Variants in TFF1 observed in about 807,000 individuals in gnomAD.
The protein encoded by TFF1 is trefoil factor 1, also known as breast cancer estrogen-inducible protein.
In TFF1, 8 loss-of-function variants were observed where a neutral mutation model predicts 7.7. The ratio of observed to expected loss-of-function variants is 1.04; its 90% CI spans 0.61 to 1.87. The LOEUF is 1.87. TFF1 is among the 40% of genes most tolerant of loss of function. TFF1 has a pLI of 0.00. For missense variants in TFF1, 120 were observed against 113.4 expected (o/e 1.06, Z -0.26); for synonymous variants, 47 against 44.8 (o/e 1.05, Z -0.19).
chr21:42,363,223 T>C, intron 2 of TFF1, 32 bp downstream of exon 2: 1 of 1,613,812 alleles, frequency 6.2e-7, no homozygotes, highest in Non-Finnish European at 8.5e-7. Context: ...TAATTCTAAA[T>C]CTTCAGAACC....
At position 42,366,533 on chromosome 21, in the gene TFF1, G is replaced by T; in HGVS notation, c.-38C>A. 1 of 1,567,914 alleles carries T rather than the reference G, an allele frequency of 6.4e-7. No homozygotes were observed. The highest frequency in any genetic ancestry group is 8.7e-7 in the Non-Finnish European group (1 of 1,144,886). ...GCTCCAAAGGCGACCCCGAGTCAGG[G>T]ATGAGAGGCCGCCCGAGCCCCGGAT... is the stretch of plus-strand genomic sequence containing the variant. On this transcript the variant is annotated 5_prime_UTR_variant, in exon 1 of 3. Transcript: ENST00000291527.
intron 2 of TFF1, 85 bp from the exon 3 acceptor site, chr21:42,362,580 A>C: frequency 6.9e-7 from 1 of 1,457,090 alleles, no homozygotes; most frequent in Non-Finnish European, 9.2e-7. Flanking sequence ...CAGAGTTTTT[A>C]CTTTAAAGTA....
intron 1 of TFF1, 152 bp from the exon 2 acceptor site, chr21:42,363,559 G>T (rs1054753185): frequency 8.9e-6 from 9 of 1,013,398 alleles, no homozygotes; most frequent in Non-Finnish European, 1.3e-5. Context: ...GGGAGACGTG[G>T]TCCTCACATC....
At chr21:42,363,984 G>A (rs1426340286) in intron 1 of TFF1, among the ~76,000 whole-genome samples, 1 of 152,026 alleles carries the variant, frequency 6.6e-6, no homozygotes, top group Non-Finnish European at 1.5e-5. Flanking sequence ...GCACACGTCT[G>A]TAATCCCAGC....
chr21:42,365,312 G>A (rs1309717115), intron 1 of TFF1, among the ~76,000 whole-genome samples: 2 of 152,044 alleles, frequency 1.3e-5, no homozygotes, highest in African/African-American at 4.8e-5. Context: ...ATGGGCCTGG[G>A]GGTGGCCAGC....
intron 2 of TFF1, among the ~76,000 whole-genome samples, chr21:42,362,701 A>G (rs1275794759): frequency 6.6e-6 from 1 of 152,174 alleles, no homozygotes; most frequent in Non-Finnish European, 1.5e-5. Context: ...TGAGGTCAAG[A>G]GTTCAAGACC....
chr21:42,364,331 C>A (rs1186431142), intron 1 of TFF1, among the ~76,000 whole-genome samples: 1 of 152,064 alleles, frequency 6.6e-6, no homozygotes, highest in Non-Finnish European at 1.5e-5. Flanking sequence ...ATTCCAGAGA[C>A]CCAGGTGTGT....
rs2052244368 is a variant in TFF1 at position 42,362,420 on chromosome 21, T to A, written c.*59A>T. The A allele has an allele frequency of 1.3e-6, 2 of 1,553,216 alleles. No homozygotes were observed. Among genetic ancestry groups the A allele is most frequent in the African/African-American group, 2.7e-5 (2 of 73,062 alleles). On this transcript the variant is annotated 3_prime_UTR_variant, in exon 3 of 3. Transcript: ENST00000291527. ...GGAGGTGGCAGCCGAGCTCTGGGAC[T>A]AATCACCGTGCTGGGGACGGCACCG...
Position 42,363,414 on chromosome 21 carries a change from G to A in TFF1, c.86-7C>T. On this transcript the variant is annotated splice_region_variant and splice_polypyrimidine_tract_variant and intron_variant, in intron 1 of 2. Transcript: ENST00000291527. ...GGGGCCACTGTACACGTCTCTGAAA[G>A]TGCACAGGTAAGAAGCAAAGTAAGT... The A allele has an allele frequency of 6.2e-7, 1 of 1,612,994 alleles. No homozygotes were observed.
intron 1 of TFF1, among the ~76,000 whole-genome samples, chr21:42,364,208 C>T (rs1011585607): frequency 2.6e-5 from 4 of 151,962 alleles, no homozygotes; most frequent in Non-Finnish European, 5.9e-5. Flanking sequence ...AGGGTAACCA[C>T]GGGGGTAGGG....
chr21:42,365,200 A>C (rs2052269818), intron 1 of TFF1, among the ~76,000 whole-genome samples: 1 of 150,652 alleles, frequency 6.6e-6, no homozygotes, highest in African/African-American at 2.4e-5. Context: ...GCCTTGAGCC[A>C]GAGGGTGTGT....
chr21:42,363,445 G>A (rs775514422), intron 1 of TFF1, 38 bp from the exon 2 acceptor site: 8 of 1,597,510 alleles, frequency 5.0e-6, no homozygotes, highest in Non-Finnish European at 6.8e-6. Context: ...TAAGTTGTGG[G>A]CTGAATTCCT....
chr21:42,366,172 C>T (rs996197768), intron 1 of TFF1, among the ~76,000 whole-genome samples: 2 of 152,174 alleles, frequency 1.3e-5, no homozygotes, highest in Non-Finnish European at 2.9e-5. Context: ...AGGAAAACAG[C>T]CCCGACTGAA....
At chr21:42,364,799 T>A (rs1203307884) in intron 1 of TFF1, among the ~76,000 whole-genome samples, 4 of 152,190 alleles carry the variant, frequency 2.6e-5, no homozygotes, top group Non-Finnish European at 4.4e-5. Context: ...TTGGAGAAAG[T>A]GTTCCTGGCT....
chr21:42,362,629 C>G (rs530489402), intron 2 of TFF1, 134 bp from the exon 3 acceptor site: 2 of 1,110,822 alleles, frequency 1.8e-6, no homozygotes, highest in South Asian at 3.4e-5. Flanking sequence ...AACTGTCAGC[C>G]GGGCACGGTG....
chr21:42,362,510 G>T lies in TFF1; in HGVS notation c.239-15C>A, dbSNP rs72561491. 4.3e-4 allele frequency: 685 copies of T among 1,576,860 alleles called. 3 individuals carry two copies. The African/African-American group carries it at 8.1e-3, about 19-fold the overall frequency. On this transcript the variant is annotated splice_polypyrimidine_tract_variant and intron_variant, in intron 2 of 2. Coordinates refer to ENST00000291527, the MANE Select transcript of TFF1 (RefSeq NM_003225.3). ...TTCACACTCCTCTACAGGGGTGAGG[G>T]GGAGGGAGAAAGAGATGCTTTAGTG... is the stretch of plus-strand genomic sequence containing the variant.
At chr21:42,362,827 A>T (rs998372938) in intron 2 of TFF1, among the ~76,000 whole-genome samples, 10 of 150,006 alleles carry the variant, frequency 6.7e-5, no homozygotes, top group African/African-American at 2.5e-4. Flanking sequence ...TGAACTCAGG[A>T]GGCAGAGATT....
chr21:42,365,379 A>T (rs2052271412), intron 1 of TFF1, among the ~76,000 whole-genome samples: 3 of 152,072 alleles, frequency 2.0e-5, no homozygotes, highest in Admixed American at 6.5e-5. Flanking sequence ...CTCGGGTTCC[A>T]AAGCTCCCCC....
intron 1 of TFF1, among the ~76,000 whole-genome samples, chr21:42,364,377 G>A (rs1439384012): frequency 2.0e-5 from 3 of 152,210 alleles, no homozygotes; most frequent in Admixed American, 6.5e-5. Flanking sequence ...TAAGGTGAGA[G>A]GACCGGGTGG....
Sources: gnomAD v4.1 joint callset for allele counts (sites outside exome capture counted in the v4.1 genomes callset) on GRCh38, gnomAD v4.1.1 for gene constraint, MANE v1.5 for transcripts, NCBI Gene and HGNC (gene_info 2026-07-23, HGNC 2026-07-21) for gene names.